The following IFT80 variants were observed in gnomAD, a reference collection of about 807,000 sequenced individuals.
The protein encoded by IFT80 is intraflagellar transport protein 80 homolog.
Under a neutral mutation model 107.9 loss-of-function variants are expected in IFT80, and 79 were observed. The observed-to-expected ratio is 0.73, with a 90% CI of 0.61 to 0.88. The LOEUF is 0.88. Among genes scored for constraint, IFT80 ranks in the 40% least tolerant of loss-of-function variants. The pLI is 0.00. For missense variants in IFT80, 797 were observed against 914.2 expected, an observed-to-expected ratio of 0.87 and a Z score of 1.65; for synonymous variants, 299 against 300.9, an observed-to-expected ratio of 0.99 and a Z score of 0.07.
intron 5 of IFT80, among the ~76,000 whole-genome samples, chr3:160,372,033 C>G (rs1203367012): frequency 6.6e-6 from 1 of 152,026 alleles, no homozygotes; most frequent in Admixed American, 6.6e-5. Flanking sequence ...ATCCCCCCAC[C>G]CAAAACTGAG....
intron 9 of IFT80, among the ~76,000 whole-genome samples, chr3:160,310,347 A>T (rs1012158527): frequency 1.3e-5 from 2 of 152,232 alleles, no homozygotes; most frequent in Non-Finnish European, 2.9e-5. Context: ...AGAAAATGTT[A>T]AAATCTACAA....
At position 160,258,467 on chromosome 3, in the gene IFT80, C is replaced by A. The variant is rs1712529846; in HGVS notation, c.*58G>T. On this transcript the variant is annotated 3_prime_UTR_variant, in exon 20 of 20. Coordinates refer to ENST00000326448, the MANE Select transcript of IFT80 (RefSeq NM_020800.3). ...TCTTTAGCAACCAAAACATGCTTAC[C>A]CTTGGTTAATCAGAACGTGTTTCAA... 1.9e-6 allele frequency: 3 copies of A among 1,608,378 alleles called. No homozygotes were observed. In the East Asian group the frequency reaches 6.7e-5, roughly 36 times the overall value.
intron 12 of IFT80, among the ~76,000 whole-genome samples, chr3:160,292,791 T>G (rs953620485): frequency 6.6e-6 from 1 of 152,182 alleles, no homozygotes; most frequent in African/African-American, 2.4e-5. Context: ...GACGCTGGTA[T>G]GGCAAAACAC....
At chr3:160,328,288 C>G (rs947800310) in intron 8 of IFT80, among the ~76,000 whole-genome samples, 1 of 151,724 alleles carries the variant, frequency 6.6e-6, no homozygotes, top group Non-Finnish European at 1.5e-5. Flanking sequence ...ATAGTGAAAC[C>G]CTGTCCCTAA....
chr3:160,331,382 A>G (rs191542891), intron 8 of IFT80, among the ~76,000 whole-genome samples: 1 of 152,202 alleles, frequency 6.6e-6, no homozygotes, highest in African/African-American at 2.4e-5. Context: ...AAACTTATGC[A>G]TTCTTTTCTC....
At chr3:160,393,054 AGAGT>A (rs1391451022) in intron 1 of IFT80, among the ~76,000 whole-genome samples, 1 of 152,224 alleles carries the variant, frequency 6.6e-6, no homozygotes, top group Non-Finnish European at 1.5e-5. Flanking sequence ...CCTGGCCAAC[AGAGT>A]GAGACCCTGT....
intron 8 of IFT80, among the ~76,000 whole-genome samples, chr3:160,348,259 G>A (rs560693636): frequency 2.6e-5 from 4 of 152,128 alleles, no homozygotes; most frequent in Admixed American, 6.5e-5. Flanking sequence ...AAATTCAAAC[G>A]GTAGCTTTCC....
chr3:160,342,205 T>C (rs1250952021), intron 8 of IFT80, among the ~76,000 whole-genome samples: 1 of 152,180 alleles, frequency 6.6e-6, no homozygotes, highest in Non-Finnish European at 1.5e-5. Flanking sequence ...ATTTATTTTG[T>C]AGATGAGAAA....
At chr3:160,345,786 G>C (rs1043656941) in intron 8 of IFT80, among the ~76,000 whole-genome samples, 7 of 151,496 alleles carry the variant, frequency 4.6e-5, no homozygotes, top group African/African-American at 1.7e-4. Context: ...ATAGTTAATA[G>C]GTATTTAAAA....
intron 16 of IFT80, 144 bp from the exon 17 acceptor site, chr3:160,277,814 T>C (rs1221642415): frequency 3.2e-6 from 2 of 634,650 alleles, no homozygotes; most frequent in East Asian, 2.8e-5. Context: ...AAACTAATAA[T>C]GTGGGAATTT....
At chr3:160,263,341 C>T (rs868111884) in intron 19 of IFT80, among the ~76,000 whole-genome samples, 4 of 152,194 alleles carry the variant, frequency 2.6e-5, no homozygotes, top group African/African-American at 4.8e-5. Flanking sequence ...CTACTCACCA[C>T]GCTCGCCTCT....
At chr3:160,366,018 C>G in intron 6 of IFT80, 25 bp downstream of exon 6, 1 of 1,570,538 alleles carries the variant, frequency 6.4e-7, no homozygotes, top group Non-Finnish European at 8.8e-7. Context: ...ACCCTGATAA[C>G]AATTTACAAA....
intron 8 of IFT80, among the ~76,000 whole-genome samples, chr3:160,336,909 G>GGGC (rs1488920034): frequency 1.3e-5 from 2 of 151,866 alleles, no homozygotes; most frequent in African/African-American, 4.8e-5. Flanking sequence ...ACATTTTTTA[G>GGGC]GGCAATTTTC....
chr3:160,261,013 A>T (rs758032048), intron 19 of IFT80, among the ~76,000 whole-genome samples: 2 of 152,144 alleles, frequency 1.3e-5, no homozygotes, highest in Admixed American at 6.5e-5. Flanking sequence ...ACCTCTTAAC[A>T]TATGTCTCTG....
chr3:160,312,036 C>A (rs1559932999), intron 9 of IFT80, among the ~76,000 whole-genome samples: 1 of 152,168 alleles, frequency 6.6e-6, no homozygotes, highest in Non-Finnish European at 1.5e-5. Context: ...CTGCCTTGGC[C>A]TCCCAAAGTG....
intron 8 of IFT80, among the ~76,000 whole-genome samples, chr3:160,351,361 T>G (rs1480695042): frequency 1.3e-5 from 2 of 149,556 alleles, no homozygotes; most frequent in Admixed American, 1.3e-4. Flanking sequence ...TGTTAGAGAT[T>G]TAGATTGCTT....
At chr3:160,272,995 G>C (rs1287403928) in intron 18 of IFT80, among the ~76,000 whole-genome samples, 1 of 152,068 alleles carries the variant, frequency 6.6e-6, no homozygotes, top group African/African-American at 2.4e-5. Context: ...CGAAGAACTT[G>C]AGCATCCCAG....
chr3:160,272,036 C>A (rs1292439786), intron 18 of IFT80, among the ~76,000 whole-genome samples: 1 of 151,704 alleles, frequency 6.6e-6, no homozygotes, highest in Non-Finnish European at 1.5e-5. Context: ...AAGTACACCA[C>A]AAAGATGCAA....
chr3:160,342,257 G>A (rs950177945), intron 8 of IFT80, among the ~76,000 whole-genome samples: 19 of 152,130 alleles, frequency 1.2e-4, no homozygotes, highest in African/African-American at 3.4e-4. Context: ...TAAACTCACC[G>A]CTGGAGTCTT....
Sources: allele counts gnomAD v4.1 joint callset (sites outside exome capture counted in the v4.1 genomes callset), GRCh38; gene constraint gnomAD v4.1.1; transcripts MANE v1.5; gene names NCBI Gene and HGNC (gene_info 2026-07-23, HGNC 2026-07-21).